CRB1: variants seen among roughly 807,000 people sequenced by gnomAD.
CRB1 encodes the protein crumbs cell polarity complex component 1, also known as protein crumbs homolog 1.
Under a neutral mutation model 120.0 loss-of-function variants are expected in CRB1, and 83 were observed. That is an observed-to-expected ratio of 0.69 (90% CI 0.58 to 0.83). The LOEUF is 0.83. Ranked by LOEUF, CRB1 falls within the 40% of genes least tolerant of loss-of-function variation. The probability of loss-of-function intolerance (pLI) is 0.00; values close to 1 mark genes in which losing one functional copy is unlikely to be tolerated. For synonymous variants in CRB1, 625 were observed against 612.5 expected (o/e 1.02, Z -0.30); for missense variants, 1,699 against 1,687.6 (o/e 1.01, Z -0.12).
chr1:197,470,187 C>T (rs1666919266), intron 11 of CRB1, among the ~76,000 whole-genome samples: 1 of 152,134 alleles, frequency 6.6e-6, no homozygotes, highest in Admixed American at 6.5e-5. Flanking sequence ...TTCCAGGTGC[C>T]AGGGAAACAA....
intron 5 of CRB1, among the ~76,000 whole-genome samples, chr1:197,419,956 G>A (rs1039151480): frequency 6.6e-6 from 1 of 150,600 alleles, no homozygotes; most frequent in Admixed American, 6.6e-5. Context: ...CCTCCAGCCT[G>A]GGCGACAGAG....
intron 11 of CRB1, among the ~76,000 whole-genome samples, chr1:197,473,853 C>CAA (rs1158991859): frequency 1.4e-4 from 16 of 117,674 alleles, no homozygotes; most frequent in African/African-American, 3.1e-4. Context: ...AATAGTGGAG[C>CAA]AAAAAAAAAA....
chr1:197,242,575 T>A, the CRB1 span, among the ~76,000 whole-genome samples: 2 of 152,180 alleles, frequency 1.3e-5, no homozygotes, highest in Non-Finnish European at 2.9e-5. Context: ...TGGATTCCAT[T>A]TGTCAGTATT....
rs1303349927 is a variant in CRB1, at chr1:197,316,913, A to AAAC, written c.71-11507_71-11506insCAA. Among the ~76,000 whole-genome samples, 5 of 150,776 alleles carry AAAC rather than the reference A, an allele frequency of 3.3e-5. No homozygotes were observed. The East Asian group carries it at 5.9e-4, about 18-fold the overall frequency. ...GCAATTTCACTTACAATGGCTACAA[A>AAAC]AAAAAAAAACAAAAAAAAACCCAGA... On this transcript the variant is annotated intron_variant, in intron 1 of 11. Coordinates refer to ENST00000367400, the MANE Select transcript of CRB1 (RefSeq NM_201253.3).
At chr1:197,469,505 T>A (rs867372056) in intron 11 of CRB1, among the ~76,000 whole-genome samples, 37 of 152,164 alleles carry the variant, frequency 2.4e-4, no homozygotes, top group Admixed American at 2.6e-4. Context: ...CATAGAGTAA[T>A]GAAGAGATGA....
the CRB1 span, among the ~76,000 whole-genome samples, chr1:197,224,673 G>A: frequency 6.6e-6 from 1 of 151,946 alleles, no homozygotes; most frequent in East Asian, 1.9e-4. Context: ...GACTTTCTTG[G>A]CTATTAATAC....
At chr1:197,311,410 C>T (rs1182262038) in intron 1 of CRB1, among the ~76,000 whole-genome samples, 4 of 152,056 alleles carry the variant, frequency 2.6e-5, no homozygotes, top group African/African-American at 9.7e-5. Context: ...AGATGTTGAT[C>T]GAGGAAACAA....
At chr1:197,252,653 C>T in the CRB1 span, among the ~76,000 whole-genome samples, 878 of 135,086 alleles carry the variant, frequency 6.5e-3, 15 homozygotes, top group African/African-American at 0.023. Flanking sequence ...CACACACACA[C>T]ATATATATAA....
At chr1:197,259,672 T>C in the CRB1 span, among the ~76,000 whole-genome samples, 3 of 152,180 alleles carry the variant, frequency 2.0e-5, no homozygotes, top group Non-Finnish European at 4.4e-5. Context: ...TGTGCACTTG[T>C]ATACCTGAAC....
At chr1:197,243,836 G>T in the CRB1 span, among the ~76,000 whole-genome samples, 1 of 152,082 alleles carries the variant, frequency 6.6e-6, no homozygotes, top group Non-Finnish European at 1.5e-5. Context: ...CTAAGAATTT[G>T]TTTTATGAAT....
chr1:197,421,349 T>C lies in CRB1; in HGVS notation c.1521T>C (p.Val507=). ...KSGSVTTKGS[V]CNIALRFQTV... ...GCTCAGTGACAACCAAGGGCTCAGT[T>C]TGTAACATAGCCCTCAGGTTTCAGA... Residue 507 remains valine (V), a synonymous_variant, in exon 6 of 12, where the codon GTT becomes GTC. Transcript: ENST00000367400. 1 of 1,614,212 alleles carries C rather than the reference T, an allele frequency of 6.2e-7. No homozygotes were observed. Among genetic ancestry groups the C allele is most frequent in the African/African-American group, 1.3e-5 (1 of 75,060 alleles).
At chr1:197,307,758 A>G (rs1280322202) in intron 1 of CRB1, among the ~76,000 whole-genome samples, 1 of 152,240 alleles carries the variant, frequency 6.6e-6, no homozygotes, top group Non-Finnish European at 1.5e-5. Flanking sequence ...ACGATGCAGT[A>G]GGTCAGAGCC....
At chr1:197,280,414 G>T (rs1022628371) in intron 1 of CRB1, among the ~76,000 whole-genome samples, 1 of 151,854 alleles carries the variant, frequency 6.6e-6, no homozygotes, top group African/African-American at 2.4e-5. Context: ...AATTTATCAT[G>T]TATTCATCAC....
chr1:197,362,418 G>A (rs1404278044), intron 5 of CRB1, among the ~76,000 whole-genome samples: 1 of 152,176 alleles, frequency 6.6e-6, no homozygotes, highest in Non-Finnish European at 1.5e-5. Flanking sequence ...TATCCTTACT[G>A]ATACAGAATA....
the CRB1 span, among the ~76,000 whole-genome samples, chr1:197,243,695 G>A: frequency 1.3e-5 from 2 of 152,066 alleles, no homozygotes; most frequent in Non-Finnish European, 2.9e-5. Flanking sequence ...AGGTTTGCTT[G>A]GTGTGGAACT....
At chr1:197,415,594 G>A (rs1663939373) in intron 5 of CRB1, among the ~76,000 whole-genome samples, 1 of 148,700 alleles carries the variant, frequency 6.7e-6, no homozygotes, top group East Asian at 2.0e-4. Context: ...CACACACAAA[G>A]ACCTCTTTTT....
intron 1 of CRB1, among the ~76,000 whole-genome samples, chr1:197,280,812 T>G (rs1023318655): frequency 6.6e-6 from 1 of 151,936 alleles, no homozygotes; most frequent in Non-Finnish European, 1.5e-5. Flanking sequence ...CTCATATTTA[T>G]GAAGACTCAA....
At chr1:197,325,150 G>A (rs1056878234) in intron 1 of CRB1, among the ~76,000 whole-genome samples, 4 of 152,106 alleles carry the variant, frequency 2.6e-5, no homozygotes, top group Non-Finnish European at 5.9e-5. Flanking sequence ...CTTACCATGT[G>A]CAAGCCATTT....
the CRB1 span, among the ~76,000 whole-genome samples, chr1:197,232,276 T>C: frequency 2.0e-5 from 3 of 152,226 alleles, no homozygotes; most frequent in Non-Finnish European, 4.4e-5. Flanking sequence ...GAAGAAATTT[T>C]GTGTTGCTTT....
Sources: allele counts gnomAD v4.1 joint callset (sites outside exome capture counted in the v4.1 genomes callset), GRCh38; gene constraint gnomAD v4.1.1; transcripts MANE v1.5; gene names NCBI Gene and HGNC (gene_info 2026-07-23, HGNC 2026-07-21).